The following LRP1 variants were observed in gnomAD, a reference collection of about 807,000 sequenced individuals.
LRP1 encodes LDL receptor related protein 1.
In LRP1, 51 loss-of-function variants were observed where a neutral mutation model predicts 541.5. The ratio of observed to expected loss-of-function variants is 0.09; its 90% CI spans 0.08 to 0.12. The LOEUF (loss-of-function observed/expected upper bound fraction) is 0.12. Ranked by LOEUF, LRP1 falls within the 10% of genes least tolerant of loss-of-function variation. The pLI is 1.00. For synonymous variants in LRP1, 2,219 were observed against 2,470.8 expected (o/e 0.90, Z 3.02); for missense variants, 3,878 against 6,376.2 (o/e 0.61, Z 13.34).
chr12:57,198,872 G>A (rs2036590086), intron 60 of LRP1, among the ~76,000 whole-genome samples: 1 of 152,242 alleles, frequency 6.6e-6, no homozygotes, highest in Admixed American at 6.5e-5. Context: ...CCTTGGGAAG[G>A]AAGAGGAGAG....
intron 50 of LRP1, 42 bp downstream of exon 50, chr12:57,194,741 TG>T: frequency 2.0e-6 from 3 of 1,519,040 alleles, no homozygotes; most frequent in East Asian, 2.3e-5. Context: ...AAGAGCCTGC[TG>T]GGCCCCACTT....
At chr12:57,208,867 G>C (rs777923321) in intron 78 of LRP1, 50 bp downstream of exon 78, 2 of 1,433,330 alleles carry the variant, frequency 1.4e-6, no homozygotes, top group East Asian at 2.3e-5. Context: ...GGCCCGGCTC[G>C]CAGAGCCCAG....
At chr12:57,143,845 A>G in intron 4 of LRP1, 47 bp downstream of exon 4, 1 of 1,573,926 alleles carries the variant, frequency 6.4e-7, no homozygotes, top group Non-Finnish European at 8.7e-7. Context: ...GCCAGTAGCC[A>G]GTTGAGGTGG....
rs2035677141 is a variant in LRP1 at position 57,158,995 on chromosome 12, T to C, written c.1798+357T>C. On this transcript the variant is annotated intron_variant, in intron 11 of 88. Coordinates refer to ENST00000243077, the MANE Select transcript of LRP1 (RefSeq NM_002332.3). This position sits in a 1 kb window ranked among gnomAD's most constrained non-coding sequence, Gnocchi z 5.3. ...CAGATCAAAACAGGGCACACCCACA[T>C]GTATGTGCGCACACAGGGTCTGTGC... Among the ~76,000 whole-genome samples the C allele has an allele frequency of 6.6e-6, 1 of 152,188 alleles. No homozygotes were observed. The highest frequency in any genetic ancestry group is 6.5e-5 in the Admixed American group (1 of 15,284).
intron 43 of LRP1, 147 bp downstream of exon 43, chr12:57,191,156 C>G: frequency 9.0e-7 from 1 of 1,115,966 alleles, no homozygotes; most frequent in South Asian, 1.5e-5. Flanking sequence ...CGGTCAACCC[C>G]ACCCTGTCCA....
intron 50 of LRP1, 36 bp from the exon 51 acceptor site, chr12:57,194,949 C>G (rs772312315): frequency 1.3e-6 from 2 of 1,558,004 alleles, no homozygotes; most frequent in Non-Finnish European, 1.8e-6. Context: ...TGACCCCCAC[C>G]CTTCCCCATC....
At chr12:57,166,813 GA>G (rs1347257606) in intron 17 of LRP1, 116 bp from the exon 18 acceptor site, 1 of 695,528 alleles carries the variant, frequency 1.4e-6, no homozygotes, top group Non-Finnish European at 2.6e-6. Flanking sequence ...TTCTCTAAGA[GA>G]AATGGTTTTG....
intron 63 of LRP1, 37 bp downstream of exon 63, chr12:57,200,572 C>T: frequency 6.3e-7 from 1 of 1,590,972 alleles, no homozygotes; most frequent in South Asian, 1.1e-5. Context: ...GGGCCCCCAG[C>T]TGTGTCGGAG....
chr12:57,171,769 G>A (rs922213078), intron 20 of LRP1, among the ~76,000 whole-genome samples: 7 of 152,236 alleles, frequency 4.6e-5, no homozygotes, highest in Admixed American at 2.0e-4. Context: ...GGGGAGGAGC[G>A]GGGTGTCTGT....
Position 57,173,079 on chromosome 12 carries a change from TG to T in LRP1, c.3164-86del. The T allele has an allele frequency of 1.8e-6, 2 of 1,120,352 alleles. No individual in the cohort carries two copies. Among genetic ancestry groups the T allele is most frequent in the Non-Finnish European group, 2.5e-6 (2 of 787,804 alleles). The allele number at this position is 1,120,352 out of a possible 1,614,324, so 69.4% of individuals were successfully genotyped here. A position where few individuals can be genotyped will look rare whatever the true frequency, so the allele number is the denominator to read the frequency against. On this transcript the variant is annotated intron_variant, in intron 20 of 88. Transcript: ENST00000243077. This position sits in a 1 kb window ranked among gnomAD's most constrained non-coding sequence, Gnocchi z 4.7. The stretch of plus-strand genomic sequence containing the variant: ...CCTGCCTCTGCTCATATCCCCAGGC[TG>T]GGCTTACCGGGGTGGCAGGGCACAG...
chr12:57,141,629 A>T, intron 3 of LRP1, 118 bp downstream of exon 3: 1 of 1,306,406 alleles, frequency 7.7e-7, no homozygotes, highest in Non-Finnish European at 1.1e-6. Flanking sequence ...TCCCCTGCCT[A>T]GATTTACCTT....
chr12:57,195,420 G>T, intron 52 of LRP1, 21 bp downstream of exon 52: 1 of 1,599,992 alleles, frequency 6.3e-7, no homozygotes, highest in South Asian at 1.1e-5. Flanking sequence ...GGGCCACGTG[G>T]AGCGGGTGGA....
In LRP1 at chr12:57,205,899, T is replaced by C; in HGVS notation, c.11590+222T>C. ...GTCTGGGGTGTGGCAGTGCTCTGAA[T>C]TGCACACACACCTCCTCACCCACCA... On this transcript the variant is annotated intron_variant, in intron 75 of 88. Transcript: ENST00000243077. This position sits in a 1 kb window ranked among gnomAD's most constrained non-coding sequence, Gnocchi z 4.6. 1 of 622,754 alleles carries C rather than the reference T, an allele frequency of 1.6e-6. No homozygotes were observed. Among genetic ancestry groups the C allele is most frequent in the East Asian group, 2.8e-5 (1 of 35,308 alleles). 38.6% of individuals were successfully genotyped at this position (622,754 alleles called of 1,614,324 possible). A position where few individuals can be genotyped will look rare whatever the true frequency, so the allele number is the denominator to read the frequency against.
chr12:57,196,755 G>A (rs950817989), intron 55 of LRP1, among the ~76,000 whole-genome samples: 1 of 152,212 alleles, frequency 6.6e-6, no homozygotes, highest in Non-Finnish European at 1.5e-5. Flanking sequence ...GAACAGCCAC[G>A]AGAAGAAAGC....
At chr12:57,150,552 G>A (rs962605119) in intron 6 of LRP1, among the ~76,000 whole-genome samples, 1 of 152,212 alleles carries the variant, frequency 6.6e-6, no homozygotes, top group Non-Finnish European at 1.5e-5. Flanking sequence ...GTCTTGACGA[G>A]TAGTAGGTGT....
chr12:57,200,135 C>A, intron 62 of LRP1, 110 bp downstream of exon 62: 1 of 911,432 alleles, frequency 1.1e-6, no homozygotes. Context: ...CTGGTTTTCC[C>A]ACACTAACAC....
chr12:57,206,856 C>T lies in LRP1; in HGVS notation c.11859+115C>T, dbSNP rs2036791170. On this transcript the variant is annotated intron_variant, in intron 76 of 88. Coordinates refer to ENST00000243077, the MANE Select transcript of LRP1 (RefSeq NM_002332.3). The surrounding 1 kb of genome is among the most constrained non-coding windows in gnomAD (Gnocchi z 4.7). ...GCGCAGTGGCTCACGCCTATAATCCCAGCACTTTGGGAGGCCAAGGCGGGC... is the reference window on the plus strand; with the variant it reads ...GCGCAGTGGCTCACGCCTATAATCCTAGCACTTTGGGAGGCCAAGGCGGGC... The T allele has an allele frequency of 2.4e-6, 3 of 1,266,786 alleles. No individual in the cohort carries two copies. The highest frequency in any genetic ancestry group is 3.3e-6 in the Non-Finnish European group (3 of 920,092). 78.5% of individuals were successfully genotyped at this position (1,266,786 alleles called of 1,614,324 possible).
At chr12:57,147,048 C>T (rs1166150741) in intron 6 of LRP1, among the ~76,000 whole-genome samples, 2 of 152,130 alleles carry the variant, frequency 1.3e-5, no homozygotes, top group East Asian at 3.9e-4. Flanking sequence ...TGACTTCCTC[C>T]CCAGGAGAAG....
chr12:57,206,199 G>A lies in LRP1; in HGVS notation c.11591-274G>A, dbSNP rs537298464. Among the ~76,000 whole-genome samples, 12 of 152,350 alleles carry A rather than the reference G, an allele frequency of 7.9e-5. No homozygotes were observed. The East Asian group carries it at 9.7e-4, about 12-fold the overall frequency. On this transcript the variant is annotated intron_variant, in intron 75 of 88. Transcript: ENST00000243077. This position sits in a 1 kb window ranked among gnomAD's most constrained non-coding sequence, Gnocchi z 4.7. ...AGCGTGGTGATGCCATCCAGCAGCC[G>A]TGAGGAGGTGGAAGTCTCTGGGTCT...
Sources: allele counts gnomAD v4.1 joint callset (sites outside exome capture counted in the v4.1 genomes callset), GRCh38; gene constraint gnomAD v4.1.1; non-coding constraint Gnocchi (gnomAD v3.1); transcripts MANE v1.5; gene names NCBI Gene and HGNC (gene_info 2026-07-23, HGNC 2026-07-21).